NLGN1: variants seen among roughly 807,000 people sequenced by gnomAD.
NLGN1 encodes neuroligin 1.
NLGN1 carries 12 observed loss-of-function variants against 65.5 expected under a neutral mutation model. That is an observed-to-expected ratio of 0.18 (90% confidence interval 0.12 to 0.30). NLGN1 has a LOEUF of 0.30. Among genes scored for constraint, NLGN1 ranks in the 10% least tolerant of loss-of-function variants. The pLI is 1.00. For synonymous variants in NLGN1, 350 were observed against 359.5 expected, an observed-to-expected ratio of 0.97 and a Z score of 0.30; for missense variants, 750 against 1,007.1, an observed-to-expected ratio of 0.74 and a Z score of 3.46.
chr3:173,623,293 G>A (rs1386272031), intron 3 of NLGN1, among the ~76,000 whole-genome samples: 1 of 151,844 alleles, frequency 6.6e-6, no homozygotes, highest in South Asian at 2.1e-4. Flanking sequence ...AGTCTGATTG[G>A]AAAAGAAGTT....
At position 173,453,714 on chromosome 3, in the gene NLGN1, C is replaced by G. The variant is rs142875498; in HGVS notation, c.-321+18636C>G. Among the ~76,000 whole-genome samples the G allele has an allele frequency of 4.3e-4, 65 of 152,294 alleles. 2 individuals are homozygous for G. The East Asian group carries it at 0.012, about 29-fold the overall frequency. The stretch of plus-strand genomic sequence containing the variant: ...AGCAATTCATTTATGTCTTTAGGCT[C>G]TACTTTTAATTCTAGTTCTCTTGCT... On this transcript the variant is annotated intron_variant, in intron 2 of 6. Coordinates refer to ENST00000457714, the Ensembl canonical transcript of NLGN1.
intron 4 of NLGN1, among the ~76,000 whole-genome samples, chr3:173,853,081 C>A (rs1170095657): frequency 6.6e-6 from 1 of 152,184 alleles, no homozygotes; most frequent in East Asian, 1.9e-4. Flanking sequence ...ACTTTGCACA[C>A]TACTCTGTCT....
At chr3:173,419,718 C>T (rs1268953618) in intron 1 of NLGN1, among the ~76,000 whole-genome samples, 2 of 151,936 alleles carry the variant, frequency 1.3e-5, no homozygotes, top group Non-Finnish European at 2.9e-5. Flanking sequence ...TGCCTGTAAT[C>T]CCAGCACTTT....
At chr3:173,837,619 T>C (rs796960046) in intron 4 of NLGN1, among the ~76,000 whole-genome samples, 15 of 152,338 alleles carry the variant, frequency 9.8e-5, no homozygotes, top group African/African-American at 3.6e-4. Flanking sequence ...ACCAGGGAAC[T>C]GAGCATTCCA....
In NLGN1 at chr3:174,204,179, T is replaced by G. The variant is rs550633900; in HGVS notation, c.647-71136T>G. 3.9e-5 allele frequency among the ~76,000 whole-genome samples: 6 copies of G among 152,326 alleles called. No homozygotes were observed. The East Asian group carries it at 1.2e-3, about 29-fold the overall frequency. ...GTAGGGCTTTTTGTTTTGTTTTGTTTTTAATTTTACAAAATTGACCTATTA... is the reference window on the plus strand; with the variant it reads ...GTAGGGCTTTTTGTTTTGTTTTGTTGTTAATTTTACAAAATTGACCTATTA... On this transcript the variant is annotated intron_variant, in intron 4 of 6. Coordinates refer to ENST00000457714, the Ensembl canonical transcript of NLGN1.
At chr3:173,649,200 T>G (rs1758749032) in intron 3 of NLGN1, among the ~76,000 whole-genome samples, 1 of 152,040 alleles carries the variant, frequency 6.6e-6, no homozygotes, top group African/African-American at 2.4e-5. Flanking sequence ...CAAACTATAG[T>G]AACAGAAAGA....
intron 3 of NLGN1, among the ~76,000 whole-genome samples, chr3:173,729,319 C>T (rs1372487179): frequency 6.6e-6 from 1 of 152,028 alleles, no homozygotes; most frequent in Non-Finnish European, 1.5e-5. Context: ...TCAAGGATTC[C>T]TAACCCAGAT....
At chr3:173,700,040 C>A (rs1007647000) in intron 3 of NLGN1, among the ~76,000 whole-genome samples, 4 of 152,190 alleles carry the variant, frequency 2.6e-5, no homozygotes, top group Non-Finnish European at 5.9e-5. Flanking sequence ...GGACAAAACT[C>A]CACATAGTTA....
At chr3:173,629,985 A>G (rs1466924863) in intron 3 of NLGN1, among the ~76,000 whole-genome samples, 1 of 152,200 alleles carries the variant, frequency 6.6e-6, no homozygotes, top group East Asian at 1.9e-4. Context: ...GTTAAAGAGG[A>G]CAAGGGGTTA....
At chr3:173,512,717 G>A (rs1284018637) in intron 2 of NLGN1, among the ~76,000 whole-genome samples, 1 of 152,268 alleles carries the variant, frequency 6.6e-6, no homozygotes, top group South Asian at 2.1e-4. Flanking sequence ...CAAAGGTGGG[G>A]ATTTGCCAGG....
chr3:174,210,202 G>A (rs2152789608), intron 4 of NLGN1, among the ~76,000 whole-genome samples: 1 of 152,134 alleles, frequency 6.6e-6, no homozygotes, highest in South Asian at 2.1e-4. Context: ...GTTTTTATTT[G>A]TCATATCCCC....
intron 2 of NLGN1, among the ~76,000 whole-genome samples, chr3:173,450,470 C>G (rs1221693545): frequency 6.6e-6 from 1 of 152,158 alleles, no homozygotes; most frequent in Non-Finnish European, 1.5e-5. Flanking sequence ...GGTAACCCGA[C>G]CTTTCTCTCG....
intron 3 of NLGN1, among the ~76,000 whole-genome samples, chr3:173,797,512 A>G (rs1326622805): frequency 6.6e-6 from 1 of 152,118 alleles, no homozygotes; most frequent in East Asian, 1.9e-4. Context: ...TCATATCCCC[A>G]TGATGCTGAA....
intron 4 of NLGN1, among the ~76,000 whole-genome samples, chr3:174,211,208 T>C (rs536897604): frequency 4.6e-5 from 7 of 152,190 alleles, no homozygotes; most frequent in Non-Finnish European, 1.0e-4. Flanking sequence ...GCTTCCGCAG[T>C]GTGGAAGGGG....
chr3:173,463,709 C>G (rs1723791416), intron 2 of NLGN1, among the ~76,000 whole-genome samples: 2 of 152,146 alleles, frequency 1.3e-5, no homozygotes, highest in East Asian at 1.9e-4. Context: ...GGATTGTCTT[C>G]TAATACTTCA....
rs1779674365 is a variant in NLGN1 at position 173,772,105 on chromosome 3, A to T, written c.494-35575A>T. 3.3e-5 allele frequency among the ~76,000 whole-genome samples: 5 copies of T among 152,246 alleles called. No individual in the cohort carries two copies. The South Asian group carries it at 1.0e-3, about 32-fold the overall frequency. ...ACATGTGTTTTTCAATTATTTAAAGAGGAAAGTAAAAAGATTTAAAAGATT... is the reference window on the plus strand; with the variant it reads ...ACATGTGTTTTTCAATTATTTAAAGTGGAAAGTAAAAAGATTTAAAAGATT... On this transcript the variant is annotated intron_variant, in intron 3 of 6. Transcript: ENST00000457714.
chr3:173,985,703 A>T (rs1474947257), intron 4 of NLGN1, among the ~76,000 whole-genome samples: 1 of 152,180 alleles, frequency 6.6e-6, no homozygotes, highest in Admixed American at 6.5e-5. Context: ...TAATCCCAGC[A>T]CTTTGGGAGG....
At chr3:173,810,004 C>T (rs1717535753) in intron 4 of NLGN1, among the ~76,000 whole-genome samples, 2 of 152,194 alleles carry the variant, frequency 1.3e-5, no homozygotes, top group Admixed American at 1.3e-4. Flanking sequence ...ACACTGATAA[C>T]AAGCCAAAGG....
intron 4 of NLGN1, among the ~76,000 whole-genome samples, chr3:174,271,293 C>T (rs1044483684): frequency 1.1e-5 from 1 of 90,624 alleles, no homozygotes; most frequent in Admixed American, 9.9e-5. Context: ...CAAATGTAAA[C>T]AGTCTGCATT....
Sources: gnomAD v4.1 joint callset for allele counts (sites outside exome capture counted in the v4.1 genomes callset) on GRCh38, gnomAD v4.1.1 for gene constraint, MANE v1.5 for transcripts, NCBI Gene and HGNC (gene_info 2026-07-23, HGNC 2026-07-21) for gene names.